Variants in XIRP2 observed in about 807,000 individuals in gnomAD.
XIRP2 encodes the protein xin actin-binding repeat-containing protein 2.
In XIRP2, 236 loss-of-function variants were observed where a neutral mutation model predicts 277.0. The ratio of observed to expected loss-of-function variants is 0.85; its 90% CI spans 0.77 to 0.95. XIRP2 has a LOEUF of 0.95. Among genes scored for constraint, XIRP2 ranks in the 40% least tolerant of loss-of-function variants. The pLI, the probability that XIRP2 is intolerant of heterozygous loss-of-function variation, is 0.00. For missense variants in XIRP2, 4,640 were observed against 4,157.5 expected, an observed-to-expected ratio of 1.12 and a Z score of -3.19; for synonymous variants, 1,490 against 1,416.5, an observed-to-expected ratio of 1.05 and a Z score of -1.17.
intron 2 of XIRP2, among the ~76,000 whole-genome samples, chr2:166,950,878 C>T (rs1222376570): frequency 6.6e-6 from 1 of 152,004 alleles, no homozygotes; most frequent in African/African-American, 2.4e-5. Context: ...GTTGTTCAAT[C>T]ATTTGATCAT....
intron 3 of XIRP2, among the ~76,000 whole-genome samples, chr2:167,185,700 A>G (rs1209141501): frequency 6.6e-6 from 1 of 152,188 alleles, no homozygotes; most frequent in African/African-American, 2.4e-5. Context: ...CATAATTTAA[A>G]TTGAACTATT....
intron 2 of XIRP2, 113 bp from the exon 3 acceptor site, chr2:167,135,796 C>A: frequency 9.9e-7 from 1 of 1,013,448 alleles, no homozygotes; most frequent in Non-Finnish European, 1.4e-6. Flanking sequence ...TGAAAACATC[C>A]CTCATGACAG....
intron 2 of XIRP2, among the ~76,000 whole-genome samples, chr2:166,931,687 TG>T (rs1685341819): frequency 6.6e-6 from 1 of 152,224 alleles, no homozygotes; most frequent in Non-Finnish European, 1.5e-5. Context: ...GTATTTGAGT[TG>T]TTTTCATTGT....
At chr2:167,007,670 C>T (rs933544130) in intron 2 of XIRP2, among the ~76,000 whole-genome samples, 4 of 145,672 alleles carry the variant, frequency 2.7e-5, no homozygotes, top group African/African-American at 7.8e-5. Flanking sequence ...ATATCTTACC[C>T]ACATGTACAC....
At chr2:166,922,428 C>T (rs929725002) in intron 2 of XIRP2, among the ~76,000 whole-genome samples, 6 of 152,114 alleles carry the variant, frequency 3.9e-5, no homozygotes, top group Non-Finnish European at 7.4e-5. Flanking sequence ...TGCAGCAGTG[C>T]CTCAAAGGTA....
intron 2 of XIRP2, among the ~76,000 whole-genome samples, chr2:166,977,497 A>C (rs924826930): frequency 6.6e-6 from 1 of 152,148 alleles, no homozygotes; most frequent in African/African-American, 2.4e-5. Flanking sequence ...TTGTACTGTT[A>C]ACATTTTACT....
chr2:167,128,681 A>T (rs73015955), intron 2 of XIRP2, among the ~76,000 whole-genome samples: 2 of 152,134 alleles, frequency 1.3e-5, no homozygotes, highest in Non-Finnish European at 1.5e-5. Flanking sequence ...CACTTGCAAG[A>T]GTTCTTGTTA....
At chr2:167,182,863 A>G (rs1001591042) in intron 3 of XIRP2, among the ~76,000 whole-genome samples, 4 of 152,198 alleles carry the variant, frequency 2.6e-5, no homozygotes, top group African/African-American at 9.6e-5. Flanking sequence ...GAAAGTTTTT[A>G]TATTAATTAA....
rs756669665 is a variant in XIRP2, at chr2:167,247,596, T to C, written c.6204T>C (p.Thr2068=). The C allele has an allele frequency of 8.1e-6, 13 of 1,613,608 alleles. No individual in the cohort carries two copies. Among genetic ancestry groups the C allele is most frequent in the Non-Finnish European group, 1.0e-5 (12 of 1,179,766 alleles). Residue 2068 remains threonine (T), a synonymous_variant, in exon 9 of 11, where the codon ACT becomes ACC. Transcript: ENST00000409195. Reference sequence around the variant, plus strand: ...ACAAAACGGGTGTCTGGACTGATACTACAGGAGAACAGCATCTTAGAGATG... The same window carrying C: ...ACAAAACGGGTGTCTGGACTGATACCACAGGAGAACAGCATCTTAGAGATG... The part of the protein sequence containing the change: ...SGDKTGVWTD[T]TGEQHLRDEY...
intron 3 of XIRP2, among the ~76,000 whole-genome samples, chr2:167,140,412 T>A (rs78242555): frequency 0.078 from 11,861 of 152,252 alleles, 555 homozygotes; most frequent in African/African-American, 0.12. Context: ...CATTTCTTTA[T>A]TAAAACAGGG....
chr2:167,053,746 T>G (rs994577151), intron 2 of XIRP2, among the ~76,000 whole-genome samples: 2 of 152,228 alleles, frequency 1.3e-5, no homozygotes, highest in South Asian at 4.1e-4. Flanking sequence ...CATTAAACAT[T>G]TAATTTGTAA....
At chr2:167,148,533 G>A (rs1216864806) in intron 3 of XIRP2, among the ~76,000 whole-genome samples, 1 of 151,614 alleles carries the variant, frequency 6.6e-6, no homozygotes, top group East Asian at 2.0e-4. Flanking sequence ...GGTAAAGAAA[G>A]GCATAGAGTA....
At position 167,250,941 on chromosome 2, in the gene XIRP2, C is replaced by G. The variant is rs1391268081; in HGVS notation, c.9549C>G (p.Val3183=). The G allele has an allele frequency of 6.2e-7, 1 of 1,613,612 alleles. No individual in the cohort carries two copies. Among genetic ancestry groups the G allele is most frequent in the South Asian group, 1.1e-5 (1 of 91,078 alleles). ...CCAGGAGTCGCTCTGAACAACTTGT[C>G]AGACTCAAAGACACCACTGCAAAGT... ...SPPRSRSEQL[V]RLKDTTAKLS... is the part of the protein sequence containing the mutation. Residue 3183 remains valine (V), a synonymous_variant, in exon 9 of 11, where the codon GTC becomes GTG. Coordinates refer to ENST00000409195, the MANE Select transcript of XIRP2 (RefSeq NM_152381.6).
At chr2:166,889,305 C>T (rs1436157337) in intron 1 of XIRP2, among the ~76,000 whole-genome samples, 1 of 152,080 alleles carries the variant, frequency 6.6e-6, no homozygotes, top group East Asian at 1.9e-4. Flanking sequence ...GACAGCTGTC[C>T]CTCCTCCACT....
chr2:167,103,287 C>G (rs1002353927), intron 2 of XIRP2, among the ~76,000 whole-genome samples: 1 of 152,168 alleles, frequency 6.6e-6, no homozygotes, highest in Non-Finnish European at 1.5e-5. Context: ...ATTGTTTCCT[C>G]TATTTTGGCA....
In XIRP2 at chr2:167,259,679, G is replaced by A. The variant is rs1048982; in HGVS notation, c.*1862G>A. Reference sequence around the variant, plus strand: ...TGGGTGTGATTTTTATACTGCTGCTGCTTGTCACAATTATTATAACTTCTC... The same window carrying A: ...TGGGTGTGATTTTTATACTGCTGCTACTTGTCACAATTATTATAACTTCTC... On this transcript the variant is annotated 3_prime_UTR_variant, in exon 11 of 11. Transcript: ENST00000409195. 37,070 of 236,080 alleles carry A rather than the reference G, an allele frequency of 0.16. 3,816 individuals are homozygous for A. Among genetic ancestry groups the A allele is most frequent in the African/African-American group, 0.32 (14,219 of 43,794 alleles). 14.6% of individuals were successfully genotyped at this position (236,080 alleles called of 1,614,324 possible).
rs1158508077 is a variant in XIRP2 at position 167,104,345 on chromosome 2, C to T, written c.409-31564C>T. Among the ~76,000 whole-genome samples, 3 of 151,958 alleles carry T rather than the reference C, an allele frequency of 2.0e-5. No homozygotes were observed. In the East Asian group the frequency reaches 5.8e-4, roughly 29 times the overall value. ...CATATAGAATAAAAATTATAAGTCC[C>T]CCTTAGTACTTCCACCAACCCATCA... On this transcript the variant is annotated intron_variant, in intron 2 of 10. Coordinates refer to ENST00000409195, the MANE Select transcript of XIRP2 (RefSeq NM_152381.6).
intron 2 of XIRP2, among the ~76,000 whole-genome samples, chr2:167,094,810 G>C (rs1377096491): frequency 6.6e-6 from 1 of 152,022 alleles, no homozygotes; most frequent in Admixed American, 6.6e-5. Flanking sequence ...GCTCTTTTTT[G>C]GTTCCATATG....
At chr2:167,085,193 G>A (rs959227263) in intron 2 of XIRP2, among the ~76,000 whole-genome samples, 64 of 150,606 alleles carry the variant, frequency 4.2e-4, no homozygotes, top group Non-Finnish European at 3.9e-4. Flanking sequence ...CCTTCATTTC[G>A]TTATGTACCC....
Sources: allele counts gnomAD v4.1 joint callset (sites outside exome capture counted in the v4.1 genomes callset), GRCh38; gene constraint gnomAD v4.1.1; transcripts MANE v1.5; gene names NCBI Gene and HGNC (gene_info 2026-07-23, HGNC 2026-07-21).